ANO3: variants seen among roughly 807,000 people sequenced by gnomAD.
ANO3 encodes anoctamin 3, also known as anoctamin-3.
A neutral mutation model predicts 144.8 loss-of-function variants in ANO3; 99 were observed. That is an observed-to-expected ratio of 0.68 (90% CI 0.58 to 0.81). ANO3 has a LOEUF of 0.81. Among genes scored for constraint, ANO3 ranks in the 30% least tolerant of loss-of-function variants. The probability of loss-of-function intolerance (pLI) is 0.00; values close to 1 mark genes in which losing one functional copy is unlikely to be tolerated. For synonymous variants in ANO3, 414 were observed against 392.6 expected, an observed-to-expected ratio of 1.05 and a Z score of -0.64; for missense variants, 905 against 1,202.2, an observed-to-expected ratio of 0.75 and a Z score of 3.66.
At chr11:26,260,806 G>A (rs187906192) in intron 1 of ANO3, among the ~76,000 whole-genome samples, 270 of 152,098 alleles carry the variant, frequency 1.8e-3, no homozygotes, top group Admixed American at 3.4e-3. Flanking sequence ...TGCATAGAAC[G>A]TACAGATTTT....
At chr11:26,239,850 A>G (rs1431747156) in intron 1 of ANO3, among the ~76,000 whole-genome samples, 1 of 152,222 alleles carries the variant, frequency 6.6e-6, no homozygotes, top group Non-Finnish European at 1.5e-5. Context: ...TCCATAATTG[A>G]AGATTTTTAC....
Position 26,598,388 on chromosome 11 carries a change from A to G in ANO3, c.1471A>G (p.Lys491Glu). 2 of 1,550,962 alleles carry G rather than the reference A, an allele frequency of 1.3e-6. No homozygotes were observed. The highest frequency in any genetic ancestry group is 1.7e-6 in the Non-Finnish European group (2 of 1,149,918). Reference sequence around the variant, plus strand: ...AGCCACAGTCTTCCTGGAGTTTTGGAAAAGGAGAAGGAGTATACTGACCTA... The same window carrying G: ...AGCCACAGTCTTCCTGGAGTTTTGGGAAAGGAGAAGGAGTATACTGACCTA... ...IWATVFLEFW[K>E]RRRSILTYTW... The change falls in exon 15 of 27, where the codon AAA (lysine) becomes GAA (glutamate). Residue 491 changes from lysine (K) to glutamate (E), a missense_variant. This residue lies in a region of ANO3 where 597 missense variants were observed against 865.1 expected (regional missense o/e 0.69). Transcript: ENST00000256737.
At chr11:26,641,770 G>A (rs1334745229) in intron 21 of ANO3, 126 bp from the exon 22 acceptor site, 18 of 1,063,432 alleles carry the variant, frequency 1.7e-5, no homozygotes, top group South Asian at 6.0e-5. Context: ...TTTATAAAAG[G>A]TAAAACCAAA....
At chr11:26,229,364 A>G (rs1054726970) in intron 1 of ANO3, among the ~76,000 whole-genome samples, 3 of 152,240 alleles carry the variant, frequency 2.0e-5, no homozygotes, top group Non-Finnish European at 4.4e-5. Flanking sequence ...TACTTATTCT[A>G]TGACCTTGAA....
intron 5 of ANO3, among the ~76,000 whole-genome samples, chr11:26,513,991 G>A (rs1444509320): frequency 6.6e-6 from 1 of 151,504 alleles, no homozygotes; most frequent in African/African-American, 2.4e-5. Context: ...TATCTCCCCA[G>A]GAACAAAAAG....
chr11:26,295,503 G>A (rs1326754832), intron 1 of ANO3, among the ~76,000 whole-genome samples: 12 of 119,944 alleles, frequency 1.0e-4, no homozygotes, highest in Non-Finnish European at 1.9e-4. Context: ...GCGATAGAGT[G>A]AGACTCTGTC....
intron 21 of ANO3, among the ~76,000 whole-genome samples, chr11:26,641,399 A>G (rs1014882747): frequency 1.3e-5 from 2 of 152,182 alleles, no homozygotes; most frequent in Admixed American, 6.5e-5. Flanking sequence ...CCAAGGGTCA[A>G]TTAGTTTATG....
intron 1 of ANO3, among the ~76,000 whole-genome samples, chr11:26,312,152 T>C (rs112207763): frequency 0.016 from 2,384 of 152,338 alleles, 27 homozygotes; most frequent in Middle Eastern, 0.044. Flanking sequence ...GTTTCATCCA[T>C]GTTCCTACAA....
Position 26,553,391 on chromosome 11 carries a change from G to A in ANO3, c.1386+46G>A, listed in dbSNP as rs773603211. ...TCTCCTCCCTGAGCTGTACTGAGAA[G>A]CAGGCTGTAAGAAGTCCTCTAGTCA... is the stretch of plus-strand genomic sequence containing the variant. On this transcript the variant is annotated intron_variant, in intron 13 of 26. Transcript: ENST00000256737. The A allele has an allele frequency of 1.4e-5, 19 of 1,398,756 alleles. No individual in the cohort carries two copies. The Admixed American group carries it at 3.0e-4, about 22-fold the overall frequency. The allele number at this position is 1,398,756 out of a possible 1,614,324, so 86.6% of individuals were successfully genotyped here. A position where few individuals can be genotyped will look rare whatever the true frequency, so the allele number is the denominator to read the frequency against.
At chr11:26,297,613 C>T (rs79748894) in intron 1 of ANO3, among the ~76,000 whole-genome samples, 6,617 of 152,178 alleles carry the variant, frequency 0.043, 480 homozygotes, top group African/African-American at 0.15. Flanking sequence ...TGGTCATTTT[C>T]CCCAAAATGC....
chr11:26,301,983 C>T lies in ANO3; in HGVS notation c.155-7662C>T, dbSNP rs186678980. Among the ~76,000 whole-genome samples, 362 of 152,170 alleles carry T rather than the reference C, an allele frequency of 2.4e-3. 1 individual carries two copies. Among genetic ancestry groups the T allele is most frequent in the African/African-American group, 7.0e-3 (292 of 41,512 alleles). On this transcript the variant is annotated intron_variant, in intron 1 of 27. Transcript: ENST00000672621. ...ATAGAAAGTTATTAATATCCCAAATCGAAAAGTAGGGGAGAGACTGGTGAT... is the reference window on the plus strand; with the variant it reads ...ATAGAAAGTTATTAATATCCCAAATTGAAAAGTAGGGGAGAGACTGGTGAT...
intron 10 of ANO3, 96 bp from the exon 11 acceptor site, chr11:26,541,851 G>A: frequency 8.5e-7 from 1 of 1,178,368 alleles, no homozygotes; most frequent in Non-Finnish European, 1.1e-6. Context: ...CTTTCAATAA[G>A]TTGTTAAATT....
In ANO3 at chr11:26,564,764, T is replaced by C. The variant is rs200983275; in HGVS notation, c.1447+4985T>C. ...ATATATATATATATATATATATATA[T>C]ATATATATATATATATATATAAGTT... On this transcript the variant is annotated intron_variant, in intron 14 of 26. Coordinates refer to ENST00000256737, the MANE Select transcript of ANO3 (RefSeq NM_031418.4). 7.6e-4 allele frequency among the ~76,000 whole-genome samples: 73 copies of C among 96,262 alleles called. 1 individual carries two copies. The highest frequency in any genetic ancestry group is 8.3e-4 in the Non-Finnish European group (38 of 46,000). 63.2% of individuals were successfully genotyped at this position (96,262 alleles called of 152,430 possible). A position where few individuals can be genotyped will look rare whatever the true frequency, so the allele number is the denominator to read the frequency against.
intron 1 of ANO3, among the ~76,000 whole-genome samples, chr11:26,312,405 T>C: frequency 6.6e-6 from 1 of 152,232 alleles, no homozygotes; most frequent in East Asian, 1.9e-4. Context: ...TTCTGGATCC[T>C]TGAGGAATTG....
intron 17 of ANO3, among the ~76,000 whole-genome samples, chr11:26,618,141 C>G (rs1852313094): frequency 2.0e-5 from 3 of 151,952 alleles, no homozygotes; most frequent in African/African-American, 7.3e-5. Flanking sequence ...TTCTATTGAT[C>G]AAAATTGCTT....
At chr11:26,273,748 CG>C (rs1564943848) in intron 1 of ANO3, among the ~76,000 whole-genome samples, 1 of 151,652 alleles carries the variant, frequency 6.6e-6, no homozygotes, top group African/African-American at 2.4e-5. Context: ...AGACATCACA[CG>C]AGAGGAGTTA....
At chr11:26,441,130 T>G (rs1184505433) in intron 1 of ANO3, among the ~76,000 whole-genome samples, 21 of 136,324 alleles carry the variant, frequency 1.5e-4, no homozygotes, top group African/African-American at 5.7e-4. Context: ...TTTTTTTTTT[T>G]TTTTTGAGAC....
At chr11:26,404,409 C>T (rs958376496) in intron 1 of ANO3, among the ~76,000 whole-genome samples, 1 of 151,820 alleles carries the variant, frequency 6.6e-6, no homozygotes, top group Admixed American at 6.6e-5. Flanking sequence ...ACTACTGCTT[C>T]CTGAGACAAA....
At chr11:26,544,297 C>CACACACAT (rs1289018080) in intron 11 of ANO3, among the ~76,000 whole-genome samples, 1 of 89,286 alleles carries the variant, frequency 1.1e-5, no homozygotes, top group South Asian at 5.3e-4. Context: ...CACACACACA[C>CACACACAT]ATATGTATAT....
Sources: gnomAD v4.1 joint callset for allele counts (sites outside exome capture counted in the v4.1 genomes callset) on GRCh38, gnomAD v4.1.1 for gene constraint, gnomAD v4.1.1 regional missense constraint, MANE v1.5 for transcripts, NCBI Gene and HGNC (gene_info 2026-07-23, HGNC 2026-07-21) for gene names.